LRRC56: variants seen among roughly 807,000 people sequenced by gnomAD.
LRRC56 encodes the protein leucine-rich repeat-containing protein 56.
A neutral mutation model predicts 47.8 loss-of-function variants in LRRC56; 41 were observed. That is an observed-to-expected ratio of 0.86 (90% CI 0.67 to 1.11). The LOEUF (loss-of-function observed/expected upper bound fraction) is 1.11. Ranked by LOEUF, LRRC56 falls within the 50% of genes most tolerant of loss-of-function variation. LRRC56 has a pLI of 0.00. For missense variants in LRRC56, 759 were observed against 704.2 expected (o/e 1.08, Z -0.88); for synonymous variants, 387 against 311.2 (o/e 1.24, Z -2.56).
the LRRC56 span, among the ~76,000 whole-genome samples, chr11:531,425 G>T: frequency 1.3e-5 from 2 of 152,208 alleles, no homozygotes; most frequent in Admixed American, 1.3e-4. Context: ...CCACACAGGG[G>T]ACTGAGCTGT....
At chr11:525,325 G>C in the LRRC56 span, among the ~76,000 whole-genome samples, 5 of 152,002 alleles carry the variant, frequency 3.3e-5, no homozygotes, top group African/African-American at 4.8e-5. Flanking sequence ...GGATCACGAG[G>C]TCAGGAGATC....
At chr11:534,352 C>G (rs773131584), upstream of LRRC56, 1 of 1,566,200 alleles carries the variant, frequency 6.4e-7, no homozygotes, top group Admixed American at 1.7e-5. Context: ...GCCCGGGGTC[C>G]TCCTACAGGG....
chr11:533,229 A>C, upstream of LRRC56: 1 of 1,472,464 alleles, frequency 6.8e-7, no homozygotes, highest in Non-Finnish European at 9.2e-7. Flanking sequence ...GTGAGCCCAG[A>C]CCCCGGCCCT....
Position 553,909 on chromosome 11 carries a change from G to A in LRRC56, c.1316-54G>A, listed in dbSNP as rs1006309641. On this transcript the variant is annotated intron_variant, in intron 13 of 13. Coordinates refer to ENST00000270115, the MANE Select transcript of LRRC56 (RefSeq NM_198075.4). ...GTGGGCTGTGGCCTCCCCACCGGGT[G>A]ACTCCCTTCCCTGACAGCCTTTCTG... 5 of 1,546,616 alleles carry A rather than the reference G, an allele frequency of 3.2e-6. No individual in the cohort carries two copies. In the African/African-American group the frequency reaches 6.8e-5, roughly 21 times the overall value.
chr11:533,570 C>T (rs2133987609), upstream of LRRC56: 1 of 1,613,888 alleles, frequency 6.2e-7, no homozygotes, highest in Non-Finnish European at 8.5e-7. Flanking sequence ...CCACCAGCAC[C>T]ATGGGCACGT....
At chr11:531,308 C>A in the LRRC56 span, among the ~76,000 whole-genome samples, 1 of 152,170 alleles carries the variant, frequency 6.6e-6, no homozygotes, top group African/African-American at 2.4e-5. Flanking sequence ...GGAACCCTGA[C>A]AGGGCACAAG....
At chr11:518,096 T>C in the LRRC56 span, among the ~76,000 whole-genome samples, 1 of 152,158 alleles carries the variant, frequency 6.6e-6, no homozygotes, top group African/African-American at 2.4e-5. Flanking sequence ...TCTGCTGACC[T>C]TCTCTCCACT....
At chr11:530,438 C>CAGAAGGGCAAGTGTGGCGTCCCCTGGAG in the LRRC56 span, among the ~76,000 whole-genome samples, 1 of 136,328 alleles carries the variant, frequency 7.3e-6, no homozygotes, top group Non-Finnish European at 1.6e-5. Flanking sequence ...ATTCCCTGGA[C>CAGAAGGGCAAGTGTGGCGTCCCCTGGAG]AGAAGGGCAA....
chr11:544,696 C>G (rs746635253), intron 5 of LRRC56, 24 bp from the exon 6 acceptor site: 2 of 1,611,564 alleles, frequency 1.2e-6, no homozygotes, highest in Admixed American at 3.3e-5. Flanking sequence ...GCCGGGCCAA[C>G]CTCCTCCTCC....
At chr11:550,529 C>G (rs1464299192) in intron 8 of LRRC56, among the ~76,000 whole-genome samples, 1 of 152,192 alleles carries the variant, frequency 6.6e-6, no homozygotes, top group East Asian at 1.9e-4. Flanking sequence ...CCTGTGAGGT[C>G]CACACATAAG....
At chr11:519,006 C>G in the LRRC56 span, among the ~76,000 whole-genome samples, 2 of 152,134 alleles carry the variant, frequency 1.3e-5, no homozygotes, top group East Asian at 3.9e-4. Flanking sequence ...GCGCGAGGCG[C>G]CGCACGGGGG....
chr11:552,383 C>T (rs1306331064), intron 12 of LRRC56, 151 bp downstream of exon 12: 2 of 1,247,766 alleles, frequency 1.6e-6, no homozygotes, highest in Non-Finnish European at 2.2e-6. Context: ...CTGGGGCTAC[C>T]TTGGCTGAGT....
In LRRC56 at chr11:549,933, G is replaced by T; in HGVS notation, c.358G>T (p.Val120Leu). The part of the protein sequence containing the change: ...DLGTSLGHLQ[V>L]LWLARCGLAD... ...GGGCACGTCTCTGGGCCACCTGCAG[G>T]TGCTGTGGCTGGCTCGCTGTGGCCT... The change falls in exon 7 of 14, where the codon GTG (valine) becomes TTG (leucine). Residue 120 changes from valine to leucine, a missense_variant. By Grantham distance (32) the Val-to-Leu change is conservative. Transcript: ENST00000270115. 1 of 1,613,052 alleles carries T rather than the reference G, an allele frequency of 6.2e-7. No individual in the cohort carries two copies.
intron 3 of LRRC56, among the ~76,000 whole-genome samples, chr11:539,949 ACT>A (rs781091459): frequency 2.0e-5 from 3 of 151,562 alleles, no homozygotes; most frequent in South Asian, 2.1e-4. Context: ...CACACACCTG[ACT>A]CTCTTCCTCC....
chr11:523,489 C>T, the LRRC56 span, among the ~76,000 whole-genome samples: 1 of 151,098 alleles, frequency 6.6e-6, no homozygotes, highest in Non-Finnish European at 1.5e-5. Context: ...AAATTAGCCA[C>T]GTGTGGTGGT....
At chr11:551,068 G>A in intron 8 of LRRC56, 63 bp from the exon 9 acceptor site, 1 of 994,450 alleles carries the variant, frequency 1.0e-6, no homozygotes, top group Non-Finnish European at 1.4e-6. Context: ...CAGGGAAAGA[G>A]CTGGCCGGAA....
intron 12 of LRRC56, 143 bp downstream of exon 12, chr11:552,375 G>A: frequency 7.7e-7 from 1 of 1,306,796 alleles, no homozygotes. Flanking sequence ...GATCAGGGCT[G>A]GGGCTACCTT....
intron 6 of LRRC56, among the ~76,000 whole-genome samples, chr11:548,205 C>A (rs185986062): frequency 0.094 from 14,228 of 152,148 alleles, 659 homozygotes; most frequent in Middle Eastern, 0.14. Flanking sequence ...GAATTATTGG[C>A]ACTGAAACAT....
upstream of LRRC56, chr11:532,798 C>T (rs1248746379): frequency 4.4e-6 from 7 of 1,599,206 alleles, no homozygotes; most frequent in Non-Finnish European, 6.0e-6. Context: ...GGCCTGTGGC[C>T]GCCTGCCTGG....
Sources: gnomAD v4.1 joint callset for allele counts (sites outside exome capture counted in the v4.1 genomes callset) on GRCh38, gnomAD v4.1.1 for gene constraint, MANE v1.5 for transcripts, NCBI Gene and HGNC (gene_info 2026-07-23, HGNC 2026-07-21) for gene names.